Variants in PLCB4 observed in about 807,000 individuals in gnomAD.
PLCB4 encodes phospholipase C beta 4.
Under a neutral mutation model 178.8 loss-of-function variants are expected in PLCB4, and 77 were observed. That is an observed-to-expected ratio of 0.43 (90% CI 0.36 to 0.52). The LOEUF is 0.52. Ranked by LOEUF, PLCB4 falls within the 20% of genes least tolerant of loss-of-function variation. The pLI, the probability that PLCB4 is intolerant of heterozygous loss-of-function variation, is 0.00. For missense variants in PLCB4, 1,024 were observed against 1,453.4 expected (o/e 0.70, Z 4.80); for synonymous variants, 496 against 490.8 (o/e 1.01, Z -0.14).
chr20:9,418,923 G>A (rs1344987349), intron 25 of PLCB4, among the ~76,000 whole-genome samples: 2 of 151,978 alleles, frequency 1.3e-5, no homozygotes, highest in Non-Finnish European at 2.9e-5. Flanking sequence ...ATATTTTGCT[G>A]TTGTTATAGA....
intron 2 of PLCB4, among the ~76,000 whole-genome samples, chr20:9,195,161 C>T (rs577751485): frequency 4.6e-5 from 7 of 152,286 alleles, no homozygotes; most frequent in East Asian, 1.9e-4. Flanking sequence ...CCTGGTTTTT[C>T]GCAAAATCAT....
intron 5 of PLCB4, 27 bp downstream of exon 5, chr20:9,337,233 C>T (rs778750261): frequency 2.0e-6 from 3 of 1,538,410 alleles, no homozygotes; most frequent in Non-Finnish European, 2.7e-6. Flanking sequence ...GCAAGTTGTT[C>T]TTTCTGCTTT....
At chr20:9,119,554 A>G (rs766621198) in intron 2 of PLCB4, among the ~76,000 whole-genome samples, 1 of 151,990 alleles carries the variant, frequency 6.6e-6, no homozygotes. Context: ...CTCCATAGCA[A>G]TTTTACCATA....
intron 25 of PLCB4, among the ~76,000 whole-genome samples, chr20:9,413,315 TAA>T (rs573907103): frequency 6.6e-6 from 1 of 151,628 alleles, no homozygotes; most frequent in African/African-American, 2.4e-5. Flanking sequence ...TGTTTCTGTA[TAA>T]AAAAAATCCT....
chr20:9,447,696 A>G (rs1026825862), intron 32 of PLCB4, among the ~76,000 whole-genome samples: 1 of 152,244 alleles, frequency 6.6e-6, no homozygotes, highest in Admixed American at 6.5e-5. Flanking sequence ...GCTTATTAAT[A>G]CTTAAAAAAA....
chr20:9,154,968 T>C (rs867752880), intron 2 of PLCB4, among the ~76,000 whole-genome samples: 3 of 96,572 alleles, frequency 3.1e-5, no homozygotes, highest in Admixed American at 2.5e-4. Flanking sequence ...TCCTTCCTTC[T>C]GCTTTTGGGG....
intron 35 of PLCB4, among the ~76,000 whole-genome samples, chr20:9,468,035 G>A (rs1416033481): frequency 6.6e-6 from 1 of 152,158 alleles, no homozygotes; most frequent in African/African-American, 2.4e-5. Flanking sequence ...TCCTGTGGCT[G>A]ATAGAAACAG....
rs372398122 is a variant in PLCB4 at position 9,328,597 on chromosome 20, C to T, written c.85-8529C>T. ...TCAGGTATGACTGCTGAGCAGTTAC[C>T]TGAGCCGACTGCTGAGCAGTTACCT... On this transcript the variant is annotated intron_variant, in intron 4 of 39. Transcript: ENST00000378473. Among the ~76,000 whole-genome samples the T allele has an allele frequency of 3.0e-4, 45 of 152,280 alleles. No individual in the cohort carries two copies. In the South Asian group the frequency reaches 3.5e-3, roughly 12 times the overall value.
intron 3 of PLCB4, among the ~76,000 whole-genome samples, chr20:9,291,299 CA>C (rs1291182003): frequency 1.3e-5 from 2 of 152,034 alleles, no homozygotes; most frequent in African/African-American, 4.8e-5. Context: ...CAGAAAAAGC[CA>C]AAGACAGCAT....
chr20:9,285,590 A>G (rs1255969986), intron 3 of PLCB4, among the ~76,000 whole-genome samples: 4 of 152,166 alleles, frequency 2.6e-5, no homozygotes, highest in African/African-American at 9.6e-5. Context: ...TTCTCAGGAA[A>G]GTAAATAAAC....
chr20:9,088,185 T>TCC (rs2090522824), intron 1 of PLCB4, among the ~76,000 whole-genome samples: 1 of 107,854 alleles, frequency 9.3e-6, no homozygotes, highest in Non-Finnish European at 2.1e-5. Context: ...TTTCTTTTTT[T>TCC]TTTTTTTTTT....
chr20:9,105,344 A>C (rs977250006), intron 2 of PLCB4, among the ~76,000 whole-genome samples: 1 of 152,122 alleles, frequency 6.6e-6, no homozygotes, highest in Non-Finnish European at 1.5e-5. Context: ...AATGAGTTTC[A>C]TATTAGTGGA....
At chr20:9,402,354 A>G (rs970397501) in intron 20 of PLCB4, among the ~76,000 whole-genome samples, 2 of 152,246 alleles carry the variant, frequency 1.3e-5, no homozygotes, top group African/African-American at 2.4e-5. Context: ...CGGAGGGACC[A>G]CAGTAACAAC....
chr20:9,202,576 G>A (rs955974368), intron 2 of PLCB4, among the ~76,000 whole-genome samples: 3 of 152,038 alleles, frequency 2.0e-5, no homozygotes, highest in African/African-American at 7.2e-5. Context: ...CTTTGGCTCT[G>A]ATGTCAGAGG....
chr20:9,297,600 A>T (rs1320079928), intron 3 of PLCB4, among the ~76,000 whole-genome samples: 1 of 152,124 alleles, frequency 6.6e-6, no homozygotes, highest in Non-Finnish European at 1.5e-5. Context: ...TTTACTAAGC[A>T]CTTAAGAACA....
chr20:9,084,625 AATGAGTT>A (rs2090315424), intron 1 of PLCB4, among the ~76,000 whole-genome samples: 1 of 152,132 alleles, frequency 6.6e-6, no homozygotes. Flanking sequence ...AGGTGCTATG[AATGAGTT>A]ATTTTATTTA....
chr20:9,390,645 G>T, intron 17 of PLCB4, 30 bp downstream of exon 17: 1 of 1,095,316 alleles, frequency 9.1e-7, no homozygotes, highest in Non-Finnish European at 1.4e-6. Context: ...CATATTTCTA[G>T]CATGAATGGA....
intron 19 of PLCB4, 52 bp from the exon 20 acceptor site, chr20:9,401,438 A>C (rs765206283): frequency 3.3e-6 from 4 of 1,206,998 alleles, no homozygotes; most frequent in Non-Finnish European, 3.7e-6. Context: ...ACAAGGTCTG[A>C]CTACTTGGCA....
chr20:9,245,189 TA>T (rs2094111953), intron 3 of PLCB4, among the ~76,000 whole-genome samples: 1 of 152,188 alleles, frequency 6.6e-6, no homozygotes, highest in South Asian at 2.1e-4. Context: ...TCTTGAGAGC[TA>T]AACTGGGAAT....
Sources: allele counts gnomAD v4.1 joint callset (sites outside exome capture counted in the v4.1 genomes callset), GRCh38; gene constraint gnomAD v4.1.1; transcripts MANE v1.5; gene names NCBI Gene and HGNC (gene_info 2026-07-23, HGNC 2026-07-21).